ALCAM: variants seen among roughly 807,000 people sequenced by gnomAD.
ALCAM encodes the protein CD166 antigen.
A neutral mutation model predicts 70.9 loss-of-function variants in ALCAM; 30 were observed. The observed-to-expected ratio is 0.42, with a 90% CI of 0.32 to 0.57. The LOEUF is 0.57. Among genes scored for constraint, ALCAM ranks in the 20% least tolerant of loss-of-function variants. The pLI is 0.11. For synonymous variants in ALCAM, 249 were observed against 242.5 expected, an observed-to-expected ratio of 1.03 and a Z score of -0.25; for missense variants, 591 against 695.1, an observed-to-expected ratio of 0.85 and a Z score of 1.68.
intron 1 of ALCAM, among the ~76,000 whole-genome samples, chr3:105,481,736 A>T (rs1003942356): frequency 2.0e-5 from 3 of 152,170 alleles, no homozygotes; most frequent in African/African-American, 7.2e-5. Flanking sequence ...TAGGAATCAG[A>T]GGTTTTCTTT....
rs565584311 is a variant in ALCAM at position 105,523,012 on chromosome 3, T to C, written c.175-1277T>C. On this transcript the variant is annotated intron_variant, in intron 2 of 15. Coordinates refer to ENST00000306107, the MANE Select transcript of ALCAM (RefSeq NM_001627.4). ...AAAATTAGCCAGGCGTGGTGGCGCG[T>C]GCCTGTAGTCCCAGCTACTCTGGAG... Among the ~76,000 whole-genome samples, 30 of 151,946 alleles carry C rather than the reference T, an allele frequency of 2.0e-4. No homozygotes were observed. In the South Asian group the frequency reaches 5.4e-3, roughly 27 times the overall value.
At chr3:105,553,527 T>C (rs632511) in intron 14 of ALCAM, among the ~76,000 whole-genome samples, 150,996 of 151,906 alleles carry the variant, frequency 0.99, 75,051 homozygotes, top group Middle Eastern at 1. Context: ...CTTTAAAAAA[T>C]GTAAGAAAGT....
chr3:105,424,118 T>G (rs2107422220), intron 1 of ALCAM, among the ~76,000 whole-genome samples: 1 of 151,752 alleles, frequency 6.6e-6, no homozygotes, highest in Non-Finnish European at 1.5e-5. Flanking sequence ...GCTCTCCATT[T>G]TGTAATTTCC....
intron 1 of ALCAM, among the ~76,000 whole-genome samples, chr3:105,407,268 A>G (rs1408206488): frequency 5.9e-5 from 1 of 16,834 alleles, no homozygotes; most frequent in Non-Finnish European, 1.2e-4. Flanking sequence ...AACAACAACA[A>G]AAAAAAAACA....
intron 1 of ALCAM, among the ~76,000 whole-genome samples, chr3:105,485,584 T>C (rs1237173127): frequency 1.3e-5 from 2 of 152,058 alleles, no homozygotes; most frequent in Admixed American, 6.6e-5. Context: ...TATTCATTTA[T>C]TTAATAAATA....
At chr3:105,444,654 A>G (rs1429828701) in intron 1 of ALCAM, among the ~76,000 whole-genome samples, 2 of 152,194 alleles carry the variant, frequency 1.3e-5, no homozygotes, top group Non-Finnish European at 2.9e-5. Flanking sequence ...TGACTTCTGA[A>G]TCAGGGTAGT....
chr3:105,420,272 AT>A (rs1276464642), intron 1 of ALCAM, among the ~76,000 whole-genome samples: 1 of 151,640 alleles, frequency 6.6e-6, no homozygotes, highest in Non-Finnish European at 1.5e-5. Flanking sequence ...TATTAAAAAA[AT>A]GGTCTTCTCA....
chr3:105,549,658 T>G (rs2152631383), intron 11 of ALCAM, among the ~76,000 whole-genome samples: 1 of 151,604 alleles, frequency 6.6e-6, no homozygotes, highest in East Asian at 1.9e-4. Context: ...AAAAAATGGT[T>G]TCATGTACCC....
At chr3:105,504,325 C>T (rs141069611) in intron 1 of ALCAM, among the ~76,000 whole-genome samples, 67 of 152,298 alleles carry the variant, frequency 4.4e-4, no homozygotes, top group African/African-American at 1.5e-3. Flanking sequence ...ATTAGACCTT[C>T]TACGTTGTCA....
intron 1 of ALCAM, among the ~76,000 whole-genome samples, chr3:105,394,758 G>T (rs532708813): frequency 3.9e-5 from 6 of 152,040 alleles, no homozygotes; most frequent in Admixed American, 2.0e-4. Context: ...TAGGCAGAAA[G>T]GTGGTTTCTT....
At chr3:105,485,707 T>G (rs538735676) in intron 1 of ALCAM, among the ~76,000 whole-genome samples, 1 of 152,090 alleles carries the variant, frequency 6.6e-6, no homozygotes, top group Non-Finnish European at 1.5e-5. Context: ...AATATGATAT[T>G]GCCTGTAAGT....
At chr3:105,554,874 C>T (rs1940483064) in intron 14 of ALCAM, among the ~76,000 whole-genome samples, 1 of 151,884 alleles carries the variant, frequency 6.6e-6, no homozygotes, top group Non-Finnish European at 1.5e-5. Flanking sequence ...CTTCTGAATA[C>T]TCCACAGTAA....
intron 6 of ALCAM, among the ~76,000 whole-genome samples, chr3:105,537,278 G>A (rs1017994768): frequency 2.0e-5 from 3 of 152,048 alleles, no homozygotes; most frequent in South Asian, 2.1e-4. Context: ...CTATTCCTGC[G>A]ATGGATTTCA....
intron 1 of ALCAM, among the ~76,000 whole-genome samples, chr3:105,382,832 G>A (rs1375401627): frequency 6.6e-6 from 1 of 151,836 alleles, no homozygotes; most frequent in Non-Finnish European, 1.5e-5. Flanking sequence ...TGTAGATTCT[G>A]GATATTAGCC....
chr3:105,470,687 A>G (rs1040949457), intron 1 of ALCAM, among the ~76,000 whole-genome samples: 7 of 151,234 alleles, frequency 4.6e-5, no homozygotes, highest in African/African-American at 1.7e-4. Flanking sequence ...AAGATTAGAA[A>G]TAATCAGTTC....
intron 1 of ALCAM, among the ~76,000 whole-genome samples, chr3:105,376,396 C>G (rs1576118849): frequency 6.6e-6 from 1 of 152,098 alleles, no homozygotes; most frequent in Admixed American, 6.6e-5. Flanking sequence ...TGTAAAGAAC[C>G]TAAAAATTAA....
chr3:105,569,538 T>TA lies in ALCAM; in HGVS notation c.1665-2306dup, dbSNP rs551573110. ...ATGTAGTATTTTGTCAACTTGCTTA[T>TA]AAAAAAAAGCAGCTGGGTATGTATG... On this transcript the variant is annotated intron_variant, in intron 14 of 15. Coordinates refer to ENST00000306107, the MANE Select transcript of ALCAM (RefSeq NM_001627.4). Among the ~76,000 whole-genome samples the TA allele has an allele frequency of 7.9e-5, 12 of 151,916 alleles. No individual in the cohort carries two copies. In the Middle Eastern group the frequency reaches 0.01, roughly 129 times the overall value.
intron 1 of ALCAM, among the ~76,000 whole-genome samples, chr3:105,432,855 T>C (rs1936967620): frequency 6.6e-6 from 1 of 152,164 alleles, no homozygotes; most frequent in Non-Finnish European, 1.5e-5. Context: ...AACCAGTATG[T>C]TATTACAAGG....
intron 1 of ALCAM, among the ~76,000 whole-genome samples, chr3:105,494,635 C>T (rs1938685067): frequency 6.6e-6 from 1 of 151,526 alleles, no homozygotes. Flanking sequence ...CCCTCCTTCC[C>T]TCCCTCCCTT....
Sources: gnomAD v4.1 joint callset for allele counts (sites outside exome capture counted in the v4.1 genomes callset) on GRCh38, gnomAD v4.1.1 for gene constraint, MANE v1.5 for transcripts, NCBI Gene and HGNC (gene_info 2026-07-23, HGNC 2026-07-21) for gene names.